ADAM23: variants seen among roughly 807,000 people sequenced by gnomAD.
ADAM23 encodes ADAM metallopeptidase domain 23.
ADAM23 carries 33 observed loss-of-function variants against 120.1 expected under a neutral mutation model. The ratio of observed to expected loss-of-function variants is 0.27; its 90% CI spans 0.21 to 0.37. The LOEUF (loss-of-function observed/expected upper bound fraction) is 0.37, where lower values mean the gene tolerates loss of function less well. ADAM23 is among the 10% of genes least tolerant of loss of function. The pLI, the probability that ADAM23 is intolerant of heterozygous loss-of-function variation, is 1.00. For synonymous variants in ADAM23, 367 were observed against 375.2 expected (o/e 0.98, Z 0.25); for missense variants, 862 against 1,058.2 (o/e 0.81, Z 2.57).
At chr2:206,609,640 G>T (rs1191411082) in intron 24 of ADAM23, 1 of 381,286 alleles carries the variant, frequency 2.6e-6, no homozygotes, top group African/African-American at 2.2e-5. Flanking sequence ...CAGCAAGTGG[G>T]GCCTATTTGC....
intron 4 of ADAM23, among the ~76,000 whole-genome samples, chr2:206,538,673 A>G (rs986889714): frequency 6.6e-6 from 1 of 152,238 alleles, no homozygotes; most frequent in Non-Finnish European, 1.5e-5. Flanking sequence ...AATTAGACAC[A>G]AAGTTGGGGT....
intron 4 of ADAM23, among the ~76,000 whole-genome samples, chr2:206,537,438 G>A (rs1018155111): frequency 6.6e-6 from 1 of 152,052 alleles, no homozygotes; most frequent in African/African-American, 2.4e-5. Context: ...GGGAGGGTGG[G>A]CCCTGCAGAA....
At chr2:206,498,810 AAAC>A (rs1352609460) in intron 3 of ADAM23, among the ~76,000 whole-genome samples, 3 of 152,228 alleles carry the variant, frequency 2.0e-5, no homozygotes, top group Admixed American at 6.5e-5. Flanking sequence ...TACAAGAAAA[AAAC>A]AACCCCATCA....
chr2:206,485,055 T>C (rs1695982766), intron 3 of ADAM23, among the ~76,000 whole-genome samples: 1 of 152,168 alleles, frequency 6.6e-6, no homozygotes, highest in African/African-American at 2.4e-5. Context: ...AATTACCTAG[T>C]CTCAGGTATG....
chr2:206,502,441 A>G (rs1196485904), intron 3 of ADAM23, among the ~76,000 whole-genome samples: 2 of 152,106 alleles, frequency 1.3e-5, no homozygotes, highest in African/African-American at 2.4e-5. Flanking sequence ...ATGTAATACA[A>G]ATGTTGGCCA....
chr2:206,577,676 G>A (rs1698142108), intron 18 of ADAM23, among the ~76,000 whole-genome samples: 2 of 144,738 alleles, frequency 1.4e-5, no homozygotes, highest in Non-Finnish European at 3.1e-5. Flanking sequence ...TGGACATTTG[G>A]GTTGGTTCCA....
chr2:206,584,982 A>G (rs1339140873), intron 18 of ADAM23, among the ~76,000 whole-genome samples: 2 of 152,148 alleles, frequency 1.3e-5, no homozygotes, highest in African/African-American at 4.8e-5. Flanking sequence ...GTAAAGTCGG[A>G]AACTTTTCCT....
intron 9 of ADAM23, 30 bp from the exon 10 acceptor site, chr2:206,557,396 TG>T: frequency 6.6e-7 from 1 of 1,523,098 alleles, no homozygotes; most frequent in Non-Finnish European, 9.1e-7. Flanking sequence ...ACTTATGATT[TG>T]GCAGTGACTG....
At position 206,594,896 on chromosome 2, in the gene ADAM23, G is replaced by A. The variant is rs145893690; in HGVS notation, c.2238G>A (p.Ser746=). 1.1e-4 allele frequency: 182 copies of A among 1,614,002 alleles called. 1 individual carries two copies. The Middle Eastern group carries it at 3.0e-3, about 26-fold the overall frequency. ...CPLDSKGKVC[S]GHGVCSNEAT... ...TCGATTCCAAGGGTAAAGTCTGTTCGGGCCATGGGGTAAGTAGGTATCAAT... is the reference window on the plus strand; with the variant it reads ...TCGATTCCAAGGGTAAAGTCTGTTCAGGCCATGGGGTAAGTAGGTATCAAT... Residue 746 remains serine, a synonymous_variant, in exon 23 of 26, where the codon TCG becomes TCA. Coordinates refer to ENST00000264377, the MANE Select transcript of ADAM23 (RefSeq NM_003812.4).
At chr2:206,559,863 C>A (rs1559264216) in intron 10 of ADAM23, 92 bp from the exon 11 acceptor site, 1 of 1,128,406 alleles carries the variant, frequency 8.9e-7, no homozygotes, top group Non-Finnish European at 1.2e-6. Flanking sequence ...TCTCACCTCC[C>A]CCTTCCTGTC....
At chr2:206,481,795 C>T (rs1695902175) in intron 3 of ADAM23, among the ~76,000 whole-genome samples, 1 of 152,068 alleles carries the variant, frequency 6.6e-6, no homozygotes, top group African/African-American at 2.4e-5. Context: ...AAATTTTGGT[C>T]CTGATGAAAA....
chr2:206,462,707 A>G (rs1370122343), intron 2 of ADAM23, among the ~76,000 whole-genome samples: 1 of 152,068 alleles, frequency 6.6e-6, no homozygotes, highest in Non-Finnish European at 1.5e-5. Flanking sequence ...TTGGCATACA[A>G]AGCCTCAGAA....
chr2:206,478,350 G>A (rs1031816711), intron 2 of ADAM23, among the ~76,000 whole-genome samples: 23 of 152,074 alleles, frequency 1.5e-4, no homozygotes, highest in African/African-American at 4.8e-4. Context: ...TAGAAAATGT[G>A]CTTCCTCTTA....
chr2:206,523,395 C>A (rs147536369), intron 3 of ADAM23, among the ~76,000 whole-genome samples: 5 of 152,316 alleles, frequency 3.3e-5, no homozygotes, highest in African/African-American at 1.2e-4. Flanking sequence ...CACTTACCAG[C>A]CCTTGCCGGG....
intron 2 of ADAM23, among the ~76,000 whole-genome samples, chr2:206,465,962 C>T (rs1340527944): frequency 6.6e-6 from 1 of 152,092 alleles, no homozygotes; most frequent in Non-Finnish European, 1.5e-5. Flanking sequence ...ATCTTAATTT[C>T]TGTGACTTAA....
At chr2:206,477,887 A>ATATATATATAT (rs1285925261) in intron 2 of ADAM23, among the ~76,000 whole-genome samples, 3 of 82,332 alleles carry the variant, frequency 3.6e-5, no homozygotes, top group South Asian at 3.3e-4. Context: ...TGTTAAAAAA[A>ATATATATATAT]AAAAAAAAAA....
In ADAM23 at chr2:206,522,957, G is replaced by C. The variant is rs1378757577; in HGVS notation, c.510-7928G>C. Among the ~76,000 whole-genome samples, 3 of 152,206 alleles carry C rather than the reference G, an allele frequency of 2.0e-5. No homozygotes were observed. The South Asian group carries it at 6.2e-4, about 32-fold the overall frequency. ...TGTGTTATCCACTTCATATGGTCGA[G>C]CTTTAAGTTAAGGGGAAGAAACGAA... On this transcript the variant is annotated intron_variant, in intron 3 of 25. Coordinates refer to ENST00000264377, the MANE Select transcript of ADAM23 (RefSeq NM_003812.4).
At chr2:206,578,173 TTTTA>T (rs138497135) in intron 18 of ADAM23, among the ~76,000 whole-genome samples, 79,258 of 151,522 alleles carry the variant, frequency 0.52, 20,759 homozygotes, top group Middle Eastern at 0.59. Context: ...GTTGTGTTAG[TTTTA>T]TTTATTTTTT....
intron 25 of ADAM23, among the ~76,000 whole-genome samples, chr2:206,613,971 T>C (rs1185470970): frequency 6.6e-6 from 1 of 152,056 alleles, no homozygotes; most frequent in Non-Finnish European, 1.5e-5. Context: ...TTGTTGAAAA[T>C]TGAAATCAAA....
Sources: gnomAD v4.1 joint callset for allele counts (sites outside exome capture counted in the v4.1 genomes callset) on GRCh38, gnomAD v4.1.1 for gene constraint, MANE v1.5 for transcripts, NCBI Gene and HGNC (gene_info 2026-07-23, HGNC 2026-07-21) for gene names.